The following CNTNAP2 variants were observed in gnomAD, a reference collection of about 807,000 sequenced individuals.
CNTNAP2 encodes contactin associated protein 2.
Under a neutral mutation model 155.2 loss-of-function variants are expected in CNTNAP2, and 98 were observed. The observed-to-expected ratio is 0.63, with a 90% CI of 0.54 to 0.75. CNTNAP2 has a LOEUF of 0.75. Among genes scored for constraint, CNTNAP2 ranks in the 30% least tolerant of loss-of-function variants. The probability of loss-of-function intolerance (pLI) is 0.00; values close to 1 mark genes in which losing one functional copy is unlikely to be tolerated. For synonymous variants in CNTNAP2, 651 were observed against 631.2 expected (o/e 1.03, Z -0.47); for missense variants, 1,727 against 1,688.1 (o/e 1.02, Z -0.40).
intron 10 of CNTNAP2, among the ~76,000 whole-genome samples, chr7:147,478,812 A>G (rs1584759298): frequency 2.0e-5 from 3 of 152,244 alleles, no homozygotes; most frequent in African/African-American, 7.2e-5. Flanking sequence ...ATGTCAAGAC[A>G]TAAATTCTAT....
At chr7:146,983,546 A>T (rs1025370473) in intron 3 of CNTNAP2, among the ~76,000 whole-genome samples, 3 of 152,126 alleles carry the variant, frequency 2.0e-5, no homozygotes, top group Non-Finnish European at 4.4e-5. Flanking sequence ...TACCCTACAA[A>T]CGCCAAGATT....
chr7:148,178,048 C>T (rs1464149558), intron 18 of CNTNAP2, among the ~76,000 whole-genome samples: 1 of 152,058 alleles, frequency 6.6e-6, no homozygotes, highest in Non-Finnish European at 1.5e-5. Context: ...TAATGGTTTA[C>T]AGATACAAAA....
intron 3 of CNTNAP2, among the ~76,000 whole-genome samples, chr7:147,011,151 C>T (rs1563042968): frequency 6.6e-6 from 1 of 152,026 alleles, no homozygotes; most frequent in Non-Finnish European, 1.5e-5. Context: ...TGATGGCTTA[C>T]ACCTGTACTC....
At chr7:147,731,413 A>G (rs76984521) in intron 13 of CNTNAP2, among the ~76,000 whole-genome samples, 29,198 of 152,000 alleles carry the variant, frequency 0.19, 3,215 homozygotes, top group Middle Eastern at 0.38. Context: ...TAGAAATGGA[A>G]TAACAAAGCC....
At chr7:146,520,123 A>T (rs1169412630) in intron 1 of CNTNAP2, among the ~76,000 whole-genome samples, 1 of 151,368 alleles carries the variant, frequency 6.6e-6, no homozygotes, top group Non-Finnish European at 1.5e-5. Flanking sequence ...TTTTCTTGCC[A>T]ATTTCTACAA....
chr7:146,495,242 A>G (rs1463031846), intron 1 of CNTNAP2, among the ~76,000 whole-genome samples: 1 of 152,230 alleles, frequency 6.6e-6, no homozygotes, highest in Non-Finnish European at 1.5e-5. Flanking sequence ...ATTTCCCAAA[A>G]CAACCCTTTA....
intron 1 of CNTNAP2, among the ~76,000 whole-genome samples, chr7:146,579,348 C>T (rs969714319): frequency 6.6e-6 from 1 of 151,950 alleles, no homozygotes. Flanking sequence ...AGCAAACAGC[C>T]ATTAGAAATC....
At chr7:146,879,464 C>A (rs1270131694) in intron 3 of CNTNAP2, among the ~76,000 whole-genome samples, 1 of 152,012 alleles carries the variant, frequency 6.6e-6, no homozygotes, top group Non-Finnish European at 1.5e-5. Flanking sequence ...AATTATCCTT[C>A]ATTTTCTACA....
rs535474026 is a variant in CNTNAP2 at position 146,173,382 on chromosome 7, G to T, written c.97+56409G>T. Among the ~76,000 whole-genome samples the T allele has an allele frequency of 2.6e-5, 4 of 151,890 alleles. No homozygotes were observed. In the South Asian group the frequency reaches 8.3e-4, roughly 32 times the overall value. ...AATAATTGAATTTTCCAGTTTGTTT[G>T]CTGTAAACATTGACCATTTAGAAAA... On this transcript the variant is annotated intron_variant, in intron 1 of 23. Coordinates refer to ENST00000361727, the MANE Select transcript of CNTNAP2 (RefSeq NM_014141.6).
rs183288044 is a variant in CNTNAP2 at position 147,740,422 on chromosome 7, C to T, written c.2098+101116C>T. On this transcript the variant is annotated intron_variant, in intron 13 of 23. Transcript: ENST00000361727. ...ATGCCTCACCCTGCTACAGCTCGTT[C>T]GCTGACACTGCCCAACAAACCCACT... Among the ~76,000 whole-genome samples the T allele has an allele frequency of 7.8e-4, 118 of 152,244 alleles. 2 individuals are homozygous for T. The East Asian group carries it at 0.02, about 26-fold the overall frequency.
chr7:148,060,903 A>G (rs1803116342), intron 15 of CNTNAP2, among the ~76,000 whole-genome samples: 2 of 152,220 alleles, frequency 1.3e-5, no homozygotes, highest in African/African-American at 4.8e-5. Context: ...AGTAACAGCA[A>G]GTGAAATAAA....
At chr7:147,538,608 C>G (rs966051626) in intron 11 of CNTNAP2, among the ~76,000 whole-genome samples, 1 of 152,042 alleles carries the variant, frequency 6.6e-6, no homozygotes, top group African/African-American at 2.4e-5. Flanking sequence ...TGTGATCATG[C>G]CACTGTACTC....
intron 20 of CNTNAP2, among the ~76,000 whole-genome samples, chr7:148,261,154 G>A (rs1468481038): frequency 8.5e-6 from 1 of 117,400 alleles, no homozygotes; most frequent in Non-Finnish European, 1.8e-5. Context: ...TGTCCTTTGT[G>A]CATCTGTTGT....
chr7:146,355,371 G>A (rs1270505349), intron 1 of CNTNAP2, among the ~76,000 whole-genome samples: 2 of 152,194 alleles, frequency 1.3e-5, no homozygotes, highest in African/African-American at 4.8e-5. Flanking sequence ...TAACAGCATG[G>A]GGTTCCAATA....
chr7:146,626,268 TTTG>T (rs1799417488), intron 1 of CNTNAP2, among the ~76,000 whole-genome samples: 3 of 152,300 alleles, frequency 2.0e-5, no homozygotes, highest in South Asian at 4.1e-4. Flanking sequence ...TGCAAATGTT[TTTG>T]TTAAGGCATT....
intron 3 of CNTNAP2, among the ~76,000 whole-genome samples, chr7:146,866,739 G>A (rs552729076): frequency 6.6e-6 from 1 of 152,128 alleles, no homozygotes; most frequent in South Asian, 2.1e-4. Context: ...TGAATATTCA[G>A]GGAACATTAT....
intron 15 of CNTNAP2, among the ~76,000 whole-genome samples, chr7:147,983,051 G>A (rs1801559122): frequency 3.0e-5 from 1 of 33,510 alleles, no homozygotes; most frequent in East Asian, 4.8e-4. Context: ...AAACAGACAA[G>A]GCAATAAGGC....
At chr7:147,294,503 C>T (rs1202681828) in intron 8 of CNTNAP2, among the ~76,000 whole-genome samples, 2 of 152,128 alleles carry the variant, frequency 1.3e-5, no homozygotes. Flanking sequence ...CTCAAATTCC[C>T]ATTAACAAAG....
chr7:148,236,873 T>C (rs1018785463), intron 20 of CNTNAP2, among the ~76,000 whole-genome samples: 1 of 152,118 alleles, frequency 6.6e-6, no homozygotes, highest in African/African-American at 2.4e-5. Flanking sequence ...AACAACCAGA[T>C]CTCATGAGAA....
Sources: gnomAD v4.1 joint callset for allele counts (sites outside exome capture counted in the v4.1 genomes callset) on GRCh38, gnomAD v4.1.1 for gene constraint, MANE v1.5 for transcripts, NCBI Gene and HGNC (gene_info 2026-07-23, HGNC 2026-07-21) for gene names.